PALLD: variants seen among roughly 807,000 people sequenced by gnomAD.
PALLD encodes the protein palladin, cytoskeletal associated protein, also known as palladin.
A neutral mutation model predicts 123.5 loss-of-function variants in PALLD; 61 were observed. The observed-to-expected ratio is 0.49, with a 90% CI of 0.40 to 0.61. The LOEUF is 0.61. Among genes scored for constraint, PALLD ranks in the 20% least tolerant of loss-of-function variants. PALLD has a pLI of 0.00. For missense variants in PALLD, 1,273 were observed against 1,377.0 expected, an observed-to-expected ratio of 0.92 and a Z score of 1.20; for synonymous variants, 465 against 496.4, an observed-to-expected ratio of 0.94 and a Z score of 0.84.
chr4:168,776,511 T>C (rs1463095939), intron 10 of PALLD, among the ~76,000 whole-genome samples: 1 of 152,214 alleles, frequency 6.6e-6, no homozygotes, highest in Non-Finnish European at 1.5e-5. Context: ...CTTGCCATAT[T>C]GCAATGGCCA....
intron 15 of PALLD, among the ~76,000 whole-genome samples, chr4:168,906,587 T>C (rs1757847663): frequency 6.6e-6 from 1 of 152,168 alleles, no homozygotes. Context: ...CCCACAAATA[T>C]ATACAATTAT....
intron 2 of PALLD, among the ~76,000 whole-genome samples, chr4:168,562,845 GA>G (rs1257054253): frequency 1.3e-5 from 2 of 152,198 alleles, no homozygotes; most frequent in Admixed American, 6.5e-5. Context: ...ATGATTCTAA[GA>G]GAGAAGAGTG....
At chr4:168,800,649 C>T (rs1739192356) in intron 10 of PALLD, among the ~76,000 whole-genome samples, 1 of 152,180 alleles carries the variant, frequency 6.6e-6, no homozygotes, top group Non-Finnish European at 1.5e-5. Context: ...ATTTCATATA[C>T]TGCCAGTGGG....
chr4:168,894,763 G>A lies in PALLD; in HGVS notation c.2199+86G>A, dbSNP rs28380014. 2,278 of 1,552,766 alleles carry A rather than the reference G, an allele frequency of 1.5e-3. 41 individuals carry two copies. In the African/African-American group the frequency reaches 0.027, roughly 18 times the overall value. ...CTTATGGATACTGTTCTTGGGATGA[G>A]TTCTGTGGAAAGTAGAGGGCAAGTC... On this transcript the variant is annotated intron_variant, in intron 12 of 21. Transcript: ENST00000505667.
At chr4:168,533,730 G>A (rs1450865760) in intron 2 of PALLD, among the ~76,000 whole-genome samples, 1 of 152,126 alleles carries the variant, frequency 6.6e-6, no homozygotes, top group Non-Finnish European at 1.5e-5. Context: ...GAAAGAAAAG[G>A]ACTCATGACA....
intron 10 of PALLD, among the ~76,000 whole-genome samples, chr4:168,854,157 T>C (rs1341911468): frequency 8.1e-6 from 1 of 123,128 alleles, no homozygotes; most frequent in East Asian, 2.9e-4. Context: ...TGTTTACTCA[T>C]GGAGTCATTC....
chr4:168,798,332 TA>T (rs943284415), intron 10 of PALLD, among the ~76,000 whole-genome samples: 21 of 152,118 alleles, frequency 1.4e-4, no homozygotes, highest in African/African-American at 5.1e-4. Flanking sequence ...AGTTGAAAAA[TA>T]AAGGGTTTTT....
At chr4:168,578,310 A>G (rs1454463361) in intron 2 of PALLD, among the ~76,000 whole-genome samples, 3 of 152,042 alleles carry the variant, frequency 2.0e-5, no homozygotes, top group Admixed American at 2.0e-4. Flanking sequence ...TGTAGTTTCC[A>G]TAATCTTCAC....
rs532272044 is a variant in PALLD at position 168,504,305 on chromosome 4, G to T, written c.-83+7111G>T. Among the ~76,000 whole-genome samples the T allele has an allele frequency of 7.9e-4, 120 of 152,258 alleles. 1 individual carries two copies. The highest frequency in any genetic ancestry group is 2.8e-3 in the African/African-American group (117 of 41,530). ...GCAACTTCAAGCAAATTAAAAAACAGTTGTGGTTGGCCAGGCATGGTGGCT... is the reference window on the plus strand; with the variant it reads ...GCAACTTCAAGCAAATTAAAAAACATTTGTGGTTGGCCAGGCATGGTGGCT... On this transcript the variant is annotated intron_variant, in intron 1 of 21. Coordinates refer to ENST00000505667, the MANE Select transcript of PALLD (RefSeq NM_001166108.2).
chr4:168,731,054 A>G (rs570749451), intron 10 of PALLD, among the ~76,000 whole-genome samples: 15 of 152,196 alleles, frequency 9.9e-5, no homozygotes, highest in African/African-American at 3.4e-4. Context: ...ACTAAGCTCC[A>G]TTCCTCTTCC....
intron 10 of PALLD, among the ~76,000 whole-genome samples, chr4:168,761,638 G>GTTTTTTTTTTTTTTTTTTT (rs1236899227): frequency 5.1e-5 from 1 of 19,532 alleles, no homozygotes; most frequent in East Asian, 1.8e-3. Context: ...TTTTGTTGTT[G>GTTTTTTTTTTTTTTTTTTT]TTGTTTGTTT....
At chr4:168,872,598 G>T (rs1751231120) in intron 10 of PALLD, among the ~76,000 whole-genome samples, 1 of 152,128 alleles carries the variant, frequency 6.6e-6, no homozygotes, top group South Asian at 2.1e-4. Context: ...AACCTTAGGG[G>T]AATGTATTTG....
chr4:168,894,135 C>A, intron 11 of PALLD: 1 of 187,734 alleles, frequency 5.3e-6, no homozygotes, highest in East Asian at 1.4e-4. Context: ...TTTTTTTAGT[C>A]AGTTTATTCT....
intron 1 of PALLD, among the ~76,000 whole-genome samples, chr4:168,503,503 C>A (rs1032265683): frequency 2.0e-5 from 3 of 151,904 alleles, no homozygotes; most frequent in African/African-American, 7.3e-5. Context: ...AAAAATTAGC[C>A]GGGCATGGTG....
intron 10 of PALLD, among the ~76,000 whole-genome samples, chr4:168,745,083 CA>C (rs1181135828): frequency 1.3e-5 from 2 of 152,146 alleles, no homozygotes; most frequent in Non-Finnish European, 2.9e-5. Context: ...TTGAATAAGT[CA>C]CTTAGACTCT....
At chr4:168,879,677 A>T (rs922541995) in intron 10 of PALLD, among the ~76,000 whole-genome samples, 1 of 152,200 alleles carries the variant, frequency 6.6e-6, no homozygotes, top group Non-Finnish European at 1.5e-5. Flanking sequence ...CACTTCCTAA[A>T]TGTTGATTAC....
intron 10 of PALLD, among the ~76,000 whole-genome samples, chr4:168,810,834 A>AAAAG (rs1561549714): frequency 2.1e-5 from 3 of 145,746 alleles, no homozygotes; most frequent in Non-Finnish European, 4.5e-5. Context: ...AAAGAAAAAA[A>AAAAG]AAGAAGAAGA....
chr4:168,604,434 C>T (rs1180730586), intron 2 of PALLD, among the ~76,000 whole-genome samples: 1 of 152,132 alleles, frequency 6.6e-6, no homozygotes, highest in Admixed American at 6.5e-5. Context: ...CGTAACATGG[C>T]CAGTTTAACA....
At chr4:168,608,317 C>T (rs1773390201) in intron 2 of PALLD, among the ~76,000 whole-genome samples, 1 of 152,168 alleles carries the variant, frequency 6.6e-6, no homozygotes, top group Admixed American at 6.5e-5. Flanking sequence ...TGCCAATGAG[C>T]TCATCCAATG....
Sources: gnomAD v4.1 joint callset for allele counts (sites outside exome capture counted in the v4.1 genomes callset) on GRCh38, gnomAD v4.1.1 for gene constraint, MANE v1.5 for transcripts, NCBI Gene and HGNC (gene_info 2026-07-23, HGNC 2026-07-21) for gene names.